The following FOXJ2 variants were observed in gnomAD, a reference collection of about 807,000 sequenced individuals.
FOXJ2 encodes the protein forkhead box J2.
A neutral mutation model predicts 68.4 loss-of-function variants in FOXJ2; 18 were observed. That is an observed-to-expected ratio of 0.26 (90% confidence interval 0.18 to 0.39). The LOEUF is 0.39. Ranked by LOEUF, FOXJ2 falls within the 10% of genes least tolerant of loss-of-function variation. FOXJ2 has a pLI of 1.00. For synonymous variants in FOXJ2, 274 were observed against 263.2 expected, an observed-to-expected ratio of 1.04 and a Z score of -0.40; for missense variants, 670 against 726.5, an observed-to-expected ratio of 0.92 and a Z score of 0.89.
chr12:8,033,248 G>T lies in FOXJ2; in HGVS notation c.-600G>T. The T allele has an allele frequency of 5.2e-6, 1 of 192,394 alleles. No individual in the cohort carries two copies. Among genetic ancestry groups the T allele is most frequent in the Non-Finnish European group, 1.0e-5 (1 of 95,620 alleles). 11.9% of individuals were successfully genotyped at this position (192,394 alleles called of 1,614,324 possible). ...CCAAACACACACTCTCAACAGTTCA[G>T]GACTTTGGAGGCAAAGAGAGACGGG... is the stretch of plus-strand genomic sequence containing the variant. On this transcript the variant is annotated 5_prime_UTR_variant, in exon 1 of 11. In the 5' UTR this introduces an upstream ATG that the reference lacks. Coordinates refer to ENST00000162391, the MANE Select transcript of FOXJ2 (RefSeq NM_018416.3).
chr12:8,050,318 C>G, intron 9 of FOXJ2: 1 of 1,322,484 alleles, frequency 7.6e-7, no homozygotes, highest in Non-Finnish European at 9.6e-7. Flanking sequence ...TCCTATTTCA[C>G]AATTGTACTA....
chr12:8,054,629 T>C lies in FOXJ2; in HGVS notation c.*1779T>C, dbSNP rs1162792408. 1.3e-5 allele frequency: 2 copies of C among 152,632 alleles called. No homozygotes were observed. The highest frequency in any genetic ancestry group is 2.9e-5 in the Non-Finnish European group (2 of 68,026). The allele number at this position is 152,632 out of a possible 1,614,324, so 9.5% of individuals were successfully genotyped here. A position where few individuals can be genotyped will look rare whatever the true frequency, so the allele number is the denominator to read the frequency against. On this transcript the variant is annotated 3_prime_UTR_variant, in exon 11 of 11. Transcript: ENST00000162391. ...GCACTTTATTTCTTTGAAGCCTTTC[T>C]AAGAAAGAAATGGGGGTGCGAGTGG...
At chr12:8,048,331 T>A (rs1228912684) in intron 7 of FOXJ2, 42 bp downstream of exon 7, 4 of 1,511,010 alleles carry the variant, frequency 2.6e-6, no homozygotes. Context: ...GAGGGTGGGG[T>A]GATGTCCTTG....
chr12:8,046,695 C>T (rs984773725), intron 6 of FOXJ2, among the ~76,000 whole-genome samples: 1 of 152,178 alleles, frequency 6.6e-6, no homozygotes, highest in African/African-American at 2.4e-5. Flanking sequence ...AACTTAGAGA[C>T]AGTGGTGAAG....
At position 8,033,317 on chromosome 12, in the gene FOXJ2, A is replaced by G. The variant is rs1242924751; in HGVS notation, c.-531A>G. 1 of 156,746 alleles carries G rather than the reference A, an allele frequency of 6.4e-6. No individual in the cohort carries two copies. The highest frequency in any genetic ancestry group is 1.4e-5 in the Non-Finnish European group (1 of 71,162). 9.7% of individuals were successfully genotyped at this position (156,746 alleles called of 1,614,324 possible). A position where few individuals can be genotyped will look rare whatever the true frequency, so the allele number is the denominator to read the frequency against. ...GCACCCTCGGCCCACCACTATTCACAGGAGACAGGAGTCCTTACGTTCAGA... is the reference window on the plus strand; with the variant it reads ...GCACCCTCGGCCCACCACTATTCACGGGAGACAGGAGTCCTTACGTTCAGA... On this transcript the variant is annotated 5_prime_UTR_variant, in exon 1 of 11. Coordinates refer to ENST00000162391, the MANE Select transcript of FOXJ2 (RefSeq NM_018416.3).
rs1376275529 is a variant in FOXJ2, at chr12:8,054,893, C to A, written c.*2043C>A. On this transcript the variant is annotated 3_prime_UTR_variant, in exon 11 of 11. Transcript: ENST00000162391. ...AATGATCACTTCTCTTTTCTAAACC[C>A]TTTTCCTGTTCAGATCCATACAGGA... 1.3e-5 allele frequency: 2 copies of A among 152,376 alleles called. No homozygotes were observed. The highest frequency in any genetic ancestry group is 1.3e-4 in the Admixed American group (2 of 15,298). 9.4% of individuals were successfully genotyped at this position (152,376 alleles called of 1,614,324 possible).
intron 10 of FOXJ2, 136 bp downstream of exon 10, chr12:8,050,756 C>G: frequency 2.0e-6 from 2 of 1,002,904 alleles, no homozygotes; most frequent in South Asian, 2.8e-5. Context: ...ATTCCCAAGG[C>G]TGGAGGATGG....
chr12:8,043,945 C>A lies in FOXJ2; in HGVS notation c.478-6C>A. 1 of 1,551,904 alleles carries A rather than the reference C, an allele frequency of 6.4e-7. No individual in the cohort carries two copies. Among genetic ancestry groups the A allele is most frequent in the Non-Finnish European group, 8.7e-7 (1 of 1,153,010 alleles). The stretch of plus-strand genomic sequence containing the variant: ...TTATAGATTTCTTTTTTTTCACAAC[C>A]CTCAGCTGTCCCAAGACTCACCAGA... On this transcript the variant is annotated splice_region_variant and splice_polypyrimidine_tract_variant and intron_variant, in intron 4 of 10. Coordinates refer to ENST00000162391, the MANE Select transcript of FOXJ2 (RefSeq NM_018416.3).
chr12:8,045,738 A>G (rs1223041387), intron 6 of FOXJ2, among the ~76,000 whole-genome samples: 3 of 151,992 alleles, frequency 2.0e-5, no homozygotes, highest in African/African-American at 7.3e-5. Flanking sequence ...GCTCACTGCA[A>G]CCTTCGCCTC....
At position 8,033,094 on chromosome 12, in the gene FOXJ2, G is replaced by A; in HGVS notation, c.-754G>A. On this transcript the variant is annotated 5_prime_UTR_variant, in exon 1 of 11. Coordinates refer to ENST00000162391, the MANE Select transcript of FOXJ2 (RefSeq NM_018416.3). ...AGGGAAAGAAGAGACCCCTGGAGGG[G>A]ACGCCTCTCTCCTGCCTAGAGGCGA... The A allele has an allele frequency of 2.6e-6, 1 of 384,830 alleles. No homozygotes were observed. Among genetic ancestry groups the A allele is most frequent in the Non-Finnish European group, 4.6e-6 (1 of 217,824 alleles). The allele number at this position is 384,830 out of a possible 1,614,324, so 23.8% of individuals were successfully genotyped here. A position where few individuals can be genotyped will look rare whatever the true frequency, so the allele number is the denominator to read the frequency against.
In FOXJ2 at chr12:8,048,054, A is replaced by G. The variant is rs1947063503; in HGVS notation, c.990A>G (p.Val330=). Residue 330 remains valine (V), a synonymous_variant, in exon 7 of 11, where the codon GTA becomes GTG. Coordinates refer to ENST00000162391, the MANE Select transcript of FOXJ2 (RefSeq NM_018416.3). ...QQAPAQGPSA[V]GGAPPLHTPS... Reference sequence around the variant, plus strand: ...CACCTGCCCAGGGCCCCTCAGCTGTAGGGGGTGCTCCTCCACTGCACACCC... The same window carrying G: ...CACCTGCCCAGGGCCCCTCAGCTGTGGGGGGTGCTCCTCCACTGCACACCC... The G allele has an allele frequency of 6.2e-7, 1 of 1,613,034 alleles. No homozygotes were observed. Among genetic ancestry groups the G allele is most frequent in the African/African-American group, 1.3e-5 (1 of 75,002 alleles).
intron 10 of FOXJ2, among the ~76,000 whole-genome samples, chr12:8,051,559 A>G (rs1947126877): frequency 6.6e-6 from 1 of 152,216 alleles, no homozygotes; most frequent in South Asian, 2.1e-4. Flanking sequence ...CAGGCAAATA[A>G]AATGAATTTG....
intron 6 of FOXJ2, among the ~76,000 whole-genome samples, chr12:8,045,463 G>C (rs757071788): frequency 6.6e-6 from 1 of 151,688 alleles, no homozygotes; most frequent in Non-Finnish European, 1.5e-5. Context: ...TGATCTGCCT[G>C]CCTTGGCCAC....
At position 8,048,106 on chromosome 12, in the gene FOXJ2, G is replaced by T; in HGVS notation, c.1042G>T (p.Gly348Trp). 1 of 1,612,656 alleles carries T rather than the reference G, an allele frequency of 6.2e-7. No individual in the cohort carries two copies. Among genetic ancestry groups the T allele is most frequent in the Non-Finnish European group, 8.5e-7 (1 of 1,179,168 alleles). The change falls in exon 7 of 11, where the codon GGG (glycine) becomes TGG (tryptophan). Residue 348 changes from glycine to tryptophan, a missense_variant. Around this residue, in one of 2 missense-constraint regions of FOXJ2, gnomAD observed 555 missense variants for 562.2 expected, o/e 0.99. Transcript: ENST00000162391. The part of the protein sequence containing the change: ...TPSTDGCTPP[G>W]GKQAGAEGYG... The stretch of plus-strand genomic sequence containing the variant: ...AAGCACAGATGGTTGTACCCCACCA[G>T]GGGGAAAGCAAGCTGGGGCGGAAGG...
intron 6 of FOXJ2, 32 bp from the exon 7 acceptor site, chr12:8,047,850 A>C (rs1390218649): frequency 2.6e-6 from 4 of 1,546,360 alleles, no homozygotes; most frequent in Non-Finnish European, 3.5e-6. Context: ...TGCATTGCTT[A>C]AGTCACTTGC....
In FOXJ2 at chr12:8,040,212, C is replaced by G. The variant is rs1283932294; in HGVS notation, c.333+47C>G. ...TGGCTTAGGTTTAGGCTTCAACAGCCTTTTTAGAGAAAAAGGTTTTGTTTC... is the reference window on the plus strand; with the variant it reads ...TGGCTTAGGTTTAGGCTTCAACAGCGTTTTTAGAGAAAAAGGTTTTGTTTC... On this transcript the variant is annotated intron_variant, in intron 2 of 10. Transcript: ENST00000162391. This position sits in a 1 kb window ranked among gnomAD's most constrained non-coding sequence, Gnocchi z 4.0. The G allele has an allele frequency of 6.4e-7, 1 of 1,566,076 alleles. No individual in the cohort carries two copies. Among genetic ancestry groups the G allele is most frequent in the African/African-American group, 1.4e-5 (1 of 73,436 alleles).
At chr12:8,049,218 C>A in intron 8 of FOXJ2, 144 bp from the exon 9 acceptor site, 1 of 660,642 alleles carries the variant, frequency 1.5e-6, no homozygotes, top group Non-Finnish European at 2.6e-6. Context: ...AAATGCAGAG[C>A]TCTGAAAGAT....
At chr12:8,043,399 C>T (rs1278998363) in intron 3 of FOXJ2, among the ~76,000 whole-genome samples, 4 of 151,994 alleles carry the variant, frequency 2.6e-5, no homozygotes, top group African/African-American at 9.7e-5. Flanking sequence ...GTGTTTCCCC[C>T]GTAAAAGAGA....
In FOXJ2 at chr12:8,048,220, C is replaced by A; in HGVS notation, c.1156C>A (p.Pro386Thr). ...TCATCAGCACCATCCCCACTCCCAC[C>A]CTGCCCAGCAGCCACCACCTCCACA... ...HPHQHHPHSH[P>T]AQQPPPPQPQ... The change falls in exon 7 of 11, where the codon CCT becomes ACT. Residue 386 changes from proline to threonine, a missense_variant. Coordinates refer to ENST00000162391, the MANE Select transcript of FOXJ2 (RefSeq NM_018416.3). 1 of 1,608,366 alleles carries A rather than the reference C, an allele frequency of 6.2e-7. No homozygotes were observed. The highest frequency in any genetic ancestry group is 8.5e-7 in the Non-Finnish European group (1 of 1,176,992).
Sources: gnomAD v4.1 joint callset for allele counts (sites outside exome capture counted in the v4.1 genomes callset) on GRCh38, gnomAD v4.1.1 for gene constraint, gnomAD v4.1.1 regional missense constraint, Gnocchi (gnomAD v3.1) non-coding constraint, MANE v1.5 for transcripts, NCBI Gene and HGNC (gene_info 2026-07-23, HGNC 2026-07-21) for gene names.